The following UBR4 variants were observed in gnomAD, a reference collection of about 807,000 sequenced individuals.
The protein encoded by UBR4 is ubiquitin protein ligase E3 component n-recognin 4.
Under a neutral mutation model 575.6 loss-of-function variants are expected in UBR4, and 124 were observed. The ratio of observed to expected loss-of-function variants is 0.22; its 90% CI spans 0.19 to 0.25. The LOEUF is 0.25. Ranked by LOEUF, UBR4 falls within the 10% of genes least tolerant of loss-of-function variation. The pLI, the probability that UBR4 is intolerant of heterozygous loss-of-function variation, is 1.00. For missense variants in UBR4, 4,818 were observed against 6,478.8 expected (o/e 0.74, Z 8.80); for synonymous variants, 2,455 against 2,473.7 (o/e 0.99, Z 0.22).
At chr1:19,201,031 G>C (rs1468865889) in intron 2 of UBR4, among the ~76,000 whole-genome samples, 1 of 152,146 alleles carries the variant, frequency 6.6e-6, no homozygotes, top group African/African-American at 2.4e-5. Context: ...AGCTAGGACT[G>C]AGGAGGCTAA....
intron 97 of UBR4, among the ~76,000 whole-genome samples, chr1:19,090,573 C>T (rs143799993): frequency 3.1e-4 from 47 of 152,284 alleles, no homozygotes; most frequent in African/African-American, 1.1e-3. Context: ...GCCCCTTCCA[C>T]ACTGCATCTA....
chr1:19,076,761 A>C lies in UBR4; in HGVS notation c.15466T>G (p.Ser5156Ala). 1 of 1,614,166 alleles carries C rather than the reference A, an allele frequency of 6.2e-7. No homozygotes were observed. The highest frequency in any genetic ancestry group is 8.5e-7 in the Non-Finnish European group (1 of 1,180,036). ...QEEFMPVETF[S>A]EFLDVAGLLS... ...TAACCGGCCACATCGAGGAACTCTG[A>C]GAAGGTCTCCACTGGCATGAACTCC... Residue 5156 changes from serine (S) to alanine (A), a missense_variant, in exon 105 of 106, where the codon TCA (serine) becomes GCA (alanine). By Grantham distance (99) the Ser-to-Ala change is moderately conservative. This residue lies in a region of UBR4 where 212 missense variants were observed against 221.3 expected (regional missense o/e 0.96). Transcript: ENST00000375254.
Position 19,173,547 on chromosome 1 carries a change from G to GT in UBR4, c.3056dup (p.Tyr1019Ter). The GT allele has an allele frequency of 6.2e-7, 1 of 1,614,192 alleles. No homozygotes were observed. Among genetic ancestry groups the GT allele is most frequent in the African/African-American group, 1.3e-5 (1 of 75,056 alleles). Residue 1019 changes from tyrosine to a stop codon, truncating the protein, a stop_gained and frameshift_variant, in exon 23 of 106, where the codon TAC becomes TAAC. Coordinates refer to ENST00000375254, the MANE Select transcript of UBR4 (RefSeq NM_020765.3). LOFTEE classifies it high-confidence loss of function. ...GTGAGTTCATGGATAGCTGGTTAAT[G>GT]TAAGTCTTTGATGGTGGTAAAATTC... ...ILGILPPSKT[Y>*]INQLSMNSPE... is the part of the protein sequence containing the mutation.
In UBR4 at chr1:19,164,869, G is replaced by C; in HGVS notation, c.4441C>G (p.Gln1481Glu). ...MTTSPPKDSD[Q>E]LDVIQENRQL... Reference sequence around the variant, plus strand: ...CGGTTCTCCTGAATTACATCCAGCTGATCAGAATCTTTTGGGGGCGATGTA... The same window carrying C: ...CGGTTCTCCTGAATTACATCCAGCTCATCAGAATCTTTTGGGGGCGATGTA... Residue 1481 changes from glutamine (Q) to glutamate (E), a missense_variant, in exon 32 of 106, where the codon CAG becomes GAG. By Grantham distance (29) the Gln-to-Glu change is conservative. This residue lies in a region of UBR4 where 1,172 missense variants were observed against 1,259.7 expected (regional missense o/e 0.93). Transcript: ENST00000375254. 3 of 1,614,166 alleles carry C rather than the reference G, an allele frequency of 1.9e-6. No homozygotes were observed. Among genetic ancestry groups the C allele is most frequent in the Non-Finnish European group, 2.5e-6 (3 of 1,180,022 alleles).
At chr1:19,202,431 C>T (rs1368770330) in intron 1 of UBR4, among the ~76,000 whole-genome samples, 1 of 152,116 alleles carries the variant, frequency 6.6e-6, no homozygotes, top group Non-Finnish European at 1.5e-5. Flanking sequence ...GACCAGAATA[C>T]TCAATATACT....
At position 19,081,475 on chromosome 1, in the gene UBR4, T is replaced by C. The variant is rs1041703731; in HGVS notation, c.15107A>G (p.Tyr5036Cys). ...GTGAAGGGCCAAGACTGTGAAATAG[T>C]AGGGCCCGTCCACTTCAAAGGCACT... ...VESAFEVDGP[Y>C]YFTVLALHIL... Residue 5036 changes from tyrosine (Y) to cysteine (C), a missense_variant, in exon 103 of 106, where the codon TAC (tyrosine) becomes TGC (cysteine). This residue lies in a region of UBR4 where 212 missense variants were observed against 221.3 expected (regional missense o/e 0.96). Transcript: ENST00000375254. 4 of 1,613,962 alleles carry C rather than the reference T, an allele frequency of 2.5e-6. No homozygotes were observed. The highest frequency in any genetic ancestry group is 3.4e-6 in the Non-Finnish European group (4 of 1,180,016).
At chr1:19,166,776 T>C (rs1397772020) in intron 29 of UBR4, among the ~76,000 whole-genome samples, 1 of 133,044 alleles carries the variant, frequency 7.5e-6, no homozygotes, top group South Asian at 2.4e-4. Context: ...CATGGTGGCA[T>C]GCACCTGTAG....
In UBR4 at chr1:19,119,670, G is replaced by A. The variant is rs147347734; in HGVS notation, c.10342C>T (p.Leu3448=). The A allele has an allele frequency of 6.2e-6, 10 of 1,613,010 alleles. No homozygotes were observed. The African/African-American group carries it at 1.3e-4, about 22-fold the overall frequency. ...GGCCAGATGGACCACATCAGATCTA[G>A]CAGGAGCTCCTGTTGAGATTTGCTG... ...NSSKSQQELL[L]DLMWSIWPEL... The change falls in exon 70 of 106, where the codon CTA becomes TTA. Residue 3448 remains leucine, a synonymous_variant. Coordinates refer to ENST00000375254, the MANE Select transcript of UBR4 (RefSeq NM_020765.3).
intron 9 of UBR4, 39 bp downstream of exon 9, chr1:19,193,392 TGA>T (rs753460353): frequency 3.1e-6 from 5 of 1,606,080 alleles, no homozygotes; most frequent in Non-Finnish European, 4.3e-6. Context: ...CTCCCTCATT[TGA>T]ACAATCAAGG....
intron 90 of UBR4, among the ~76,000 whole-genome samples, chr1:19,099,041 A>G (rs2078347312): frequency 6.6e-6 from 1 of 152,206 alleles, no homozygotes; most frequent in African/African-American, 2.4e-5. Context: ...TACTTCCATA[A>G]GTGGACAAAC....
In UBR4 at chr1:19,106,659, A is replaced by G. The variant is rs1204031312; in HGVS notation, c.12303T>C (p.Tyr4101=). ...TCAGGAACTGTTTCCACCTCCACAC[A>G]TACTTCTCAGTCAAATAGAGATGGC... The part of the protein sequence containing the change: ...ELRHLYLTEK[Y]VWRWKQFLSR... The change falls in exon 83 of 106, where the codon TAT becomes TAC. Residue 4101 remains tyrosine (Y), a synonymous_variant. Coordinates refer to ENST00000375254, the MANE Select transcript of UBR4 (RefSeq NM_020765.3). 1 of 1,610,272 alleles carries G rather than the reference A, an allele frequency of 6.2e-7. No individual in the cohort carries two copies. Among genetic ancestry groups the G allele is most frequent in the Non-Finnish European group, 8.5e-7 (1 of 1,178,198 alleles).
rs555995044 is a variant in UBR4 at position 19,198,414 on chromosome 1, T to G, written c.648+127A>C. On this transcript the variant is annotated intron_variant, in intron 5 of 105. Transcript: ENST00000375254. ...CTTGTTTTATTTTGTATTCCTCAAT[T>G]TCTTTTGTCCCACAGACATGTATAT... 2.3e-6 allele frequency: 3 copies of G among 1,309,564 alleles called. No homozygotes were observed. In the African/African-American group the frequency reaches 4.5e-5, roughly 20 times the overall value. 81.1% of individuals were successfully genotyped at this position (1,309,564 alleles called of 1,614,324 possible). A position where few individuals can be genotyped will look rare whatever the true frequency, so the allele number is the denominator to read the frequency against.
chr1:19,205,912 A>G (rs2151818285), intron 1 of UBR4, among the ~76,000 whole-genome samples: 1 of 152,324 alleles, frequency 6.6e-6, no homozygotes. Flanking sequence ...AGAGAGAAGG[A>G]GCATATTTCT....
chr1:19,184,200 C>T, intron 15 of UBR4, 25 bp from the exon 16 acceptor site: 1 of 1,610,674 alleles, frequency 6.2e-7, no homozygotes, highest in Non-Finnish European at 8.5e-7. Context: ...CACAAAAAAG[C>T]TCTTATCAGG....
chr1:19,134,577 A>C (rs2082974967), intron 60 of UBR4, among the ~76,000 whole-genome samples: 1 of 152,230 alleles, frequency 6.6e-6, no homozygotes. Context: ...CTGAAATTTG[A>C]AAAGTTAAGG....
rs1490229779 is a variant in UBR4, at chr1:19,163,581, C to T, written c.4764+183G>A. Among the ~76,000 whole-genome samples the T allele has an allele frequency of 2.6e-5, 4 of 152,216 alleles. No homozygotes were observed. The East Asian group carries it at 5.8e-4, about 22-fold the overall frequency. On this transcript the variant is annotated intron_variant, in intron 34 of 105. Coordinates refer to ENST00000375254, the MANE Select transcript of UBR4 (RefSeq NM_020765.3). ...TTTCCTTCCCATCACTTCTTGCCAG[C>T]CAAAACATGCCTAAAGGCACACAGT...
At chr1:19,160,826 G>A (rs2087222532) in intron 38 of UBR4, 91 bp downstream of exon 38, 1 of 1,234,756 alleles carries the variant, frequency 8.1e-7, no homozygotes, top group South Asian at 1.3e-5. Context: ...AAAATGAGTT[G>A]CAAGGGGAGC....
intron 49 of UBR4, chr1:19,149,709 C>T (rs374048170): frequency 4.3e-5 from 55 of 1,276,398 alleles, no homozygotes; most frequent in Middle Eastern, 2.2e-4. Flanking sequence ...ATTGGTTACA[C>T]GGCTCTCTGA....
rs374827858 is a variant in UBR4 at position 19,097,297 on chromosome 1, G to A, written c.13303-17C>T. ...GGGCTCTCCCTGAGCAGAGAAAGTT[G>A]GAGAAAGGTACTTAAAAACAGGCCC... On this transcript the variant is annotated splice_polypyrimidine_tract_variant and intron_variant, in intron 90 of 105. Transcript: ENST00000375254. 1.9e-5 allele frequency: 31 copies of A among 1,609,782 alleles called. No individual in the cohort carries two copies. In the African/African-American group the frequency reaches 3.9e-4, roughly 20 times the overall value.
Sources: gnomAD v4.1 joint callset for allele counts (sites outside exome capture counted in the v4.1 genomes callset) on GRCh38, gnomAD v4.1.1 for gene constraint, gnomAD v4.1.1 regional missense constraint, MANE v1.5 for transcripts, NCBI Gene and HGNC (gene_info 2026-07-23, HGNC 2026-07-21) for gene names.